Variants in TMTC1 observed in about 807,000 individuals in gnomAD.
TMTC1 encodes the protein transmembrane O-mannosyltransferase targeting cadherins 1.
Under a neutral mutation model 104.8 loss-of-function variants are expected in TMTC1, and 73 were observed. The ratio of observed to expected loss-of-function variants is 0.70; its 90% CI spans 0.58 to 0.85. TMTC1 has a LOEUF of 0.85. Among genes scored for constraint, TMTC1 ranks in the 40% least tolerant of loss-of-function variants. The probability of loss-of-function intolerance (pLI) is 0.00; values close to 1 mark genes in which losing one functional copy is unlikely to be tolerated. For missense variants in TMTC1, 1,035 were observed against 1,096.1 expected (o/e 0.94, Z 0.79); for synonymous variants, 434 against 428.7 (o/e 1.01, Z -0.15).
intron 15 of TMTC1, 101 bp from the exon 16 acceptor site, chr12:29,514,705 G>T: frequency 7.9e-7 from 1 of 1,266,786 alleles, no homozygotes; most frequent in East Asian, 2.4e-5. Context: ...GTGTCAGCAG[G>T]TATGGTATGT....
intron 6 of TMTC1, among the ~76,000 whole-genome samples, chr12:29,615,793 G>A (rs181578559): frequency 6.6e-6 from 1 of 152,192 alleles, no homozygotes; most frequent in Non-Finnish European, 1.5e-5. Context: ...TCCTTTTTCA[G>A]GTGGTATTGC....
intron 6 of TMTC1, among the ~76,000 whole-genome samples, chr12:29,612,944 T>A (rs1349508319): frequency 1.3e-5 from 2 of 152,174 alleles, no homozygotes; most frequent in African/African-American, 4.8e-5. Flanking sequence ...GCATCCACAT[T>A]CTAGTGACCA....
chr12:29,650,551 A>T, intron 5 of TMTC1, among the ~76,000 whole-genome samples: 1 of 152,200 alleles, frequency 6.6e-6, no homozygotes, highest in East Asian at 1.9e-4. Context: ...AAGTCAAAGC[A>T]TTCATCCTTT....
At chr12:29,626,649 T>G (rs1189071349) in intron 6 of TMTC1, among the ~76,000 whole-genome samples, 1 of 152,124 alleles carries the variant, frequency 6.6e-6, no homozygotes, top group Non-Finnish European at 1.5e-5. Context: ...AACTCAAAAA[T>G]GAATCAATGA....
intron 11 of TMTC1, chr12:29,533,202 T>C (rs1182097528): frequency 2.0e-5 from 3 of 152,248 alleles, no homozygotes; most frequent in East Asian, 3.8e-4. Flanking sequence ...TACCATATAA[T>C]GTCTTTTCAA....
chr12:29,659,982 A>T (rs779396400), intron 5 of TMTC1: 1 of 1,533,942 alleles, frequency 6.5e-7, no homozygotes, highest in Non-Finnish European at 8.7e-7. Context: ...AATGACAAGC[A>T]CCTTCAGAAA....
Position 29,583,468 on chromosome 12 carries a change from G to C in TMTC1, c.1357C>G (p.Leu453Val). 2 of 1,613,910 alleles carry C rather than the reference G, an allele frequency of 1.2e-6. No individual in the cohort carries two copies. The highest frequency in any genetic ancestry group is 1.7e-6 in the Non-Finnish European group (2 of 1,179,892). The change falls in exon 8 of 18, where the codon CTT (leucine) becomes GTT (valine). Residue 453 changes from leucine to valine, a missense_variant. Coordinates refer to ENST00000539277, the MANE Select transcript of TMTC1 (RefSeq NM_001193451.2). ...TGTTTCACAGTTTTCCAAGAGAAAA[G>C]CAACAGCAGCAACACAGTGGACACA... is the stretch of plus-strand genomic sequence containing the variant. The part of the protein sequence containing the change: ...LIVSTVLLLL[L>V]FSWKTVKQNE...
intron 16 of TMTC1, 76 bp downstream of exon 16, chr12:29,514,405 CA>C: frequency 6.9e-7 from 1 of 1,457,024 alleles, no homozygotes; most frequent in Non-Finnish European, 9.3e-7. Context: ...TCTTACTGTA[CA>C]TGTTTCCTTA....
At chr12:29,583,384 T>G (rs780295171) in intron 8 of TMTC1, 23 bp downstream of exon 8, 2 of 1,597,966 alleles carry the variant, frequency 1.3e-6, no homozygotes, top group Admixed American at 3.4e-5. Flanking sequence ...GGAAGATATT[T>G]ATTTTTATCT....
At chr12:29,533,334 A>T in intron 11 of TMTC1, 1 of 152,190 alleles carries the variant, frequency 6.6e-6, no homozygotes. Context: ...TCCTACATTC[A>T]TGGTTTTATT....
chr12:29,529,697 G>T (rs1431683535), intron 11 of TMTC1, among the ~76,000 whole-genome samples: 1 of 152,136 alleles, frequency 6.6e-6, no homozygotes, highest in Non-Finnish European at 1.5e-5. Context: ...TTACGAGACA[G>T]TTCCTCCACC....
At chr12:29,626,806 A>T (rs1938016301) in intron 6 of TMTC1, among the ~76,000 whole-genome samples, 2 of 152,222 alleles carry the variant, frequency 1.3e-5, no homozygotes, top group Admixed American at 1.3e-4. Flanking sequence ...CTTCACAAAA[A>T]TTAAAAACTT....
chr12:29,559,220 T>G (rs1208795355), intron 9 of TMTC1, among the ~76,000 whole-genome samples: 1 of 152,224 alleles, frequency 6.6e-6, no homozygotes, highest in African/African-American at 2.4e-5. Context: ...AATGAACTTC[T>G]GAGGTGAAAA....
intron 5 of TMTC1, among the ~76,000 whole-genome samples, chr12:29,687,086 A>G (rs780320065): frequency 1.3e-5 from 2 of 152,240 alleles, no homozygotes; most frequent in African/African-American, 2.4e-5. Flanking sequence ...TGGCAACCAC[A>G]ATAATACGCA....
chr12:29,782,573 G>A (rs1187534428), intron 1 of TMTC1, among the ~76,000 whole-genome samples: 1 of 152,208 alleles, frequency 6.6e-6, no homozygotes, highest in Non-Finnish European at 1.5e-5. Context: ...GTTGAGTCAA[G>A]CTCCTGATTG....
At chr12:29,552,337 TTA>T (rs1945127720) in intron 10 of TMTC1, among the ~76,000 whole-genome samples, 1 of 152,236 alleles carries the variant, frequency 6.6e-6, no homozygotes, top group Admixed American at 6.5e-5. Context: ...ATTTTAAAAA[TTA>T]TGTTTTAATA....
intron 17 of TMTC1, among the ~76,000 whole-genome samples, chr12:29,508,374 C>A (rs1943746327): frequency 6.6e-6 from 1 of 152,202 alleles, no homozygotes; most frequent in South Asian, 2.1e-4. Flanking sequence ...CACTTACATG[C>A]AGACAACTAT....
At chr12:29,607,209 T>C (rs1946725933) in intron 6 of TMTC1, among the ~76,000 whole-genome samples, 1 of 152,226 alleles carries the variant, frequency 6.6e-6, no homozygotes, top group African/African-American at 2.4e-5. Flanking sequence ...ATTACGTGTG[T>C]ATCTGGGTGT....
At chr12:29,606,036 A>T (rs1449278597) in intron 6 of TMTC1, among the ~76,000 whole-genome samples, 1 of 152,240 alleles carries the variant, frequency 6.6e-6, no homozygotes, top group African/African-American at 2.4e-5. Flanking sequence ...AGCAAAAGAC[A>T]TGATTTTGTT....
Sources: gnomAD v4.1 joint callset for allele counts (sites outside exome capture counted in the v4.1 genomes callset) on GRCh38, gnomAD v4.1.1 for gene constraint, MANE v1.5 for transcripts, NCBI Gene and HGNC (gene_info 2026-07-23, HGNC 2026-07-21) for gene names.